Variants in SVIL observed in about 807,000 individuals in gnomAD.
SVIL encodes the protein archvillin.
SVIL carries 101 observed loss-of-function variants against 240.4 expected under a neutral mutation model. That is an observed-to-expected ratio of 0.42 (90% confidence interval 0.36 to 0.50). SVIL has a LOEUF of 0.50. Ranked by LOEUF, SVIL falls within the 20% of genes least tolerant of loss-of-function variation. The probability of loss-of-function intolerance (pLI) is 0.01; values close to 1 mark genes in which losing one functional copy is unlikely to be tolerated. For missense variants in SVIL, 2,512 were observed against 2,818.7 expected, an observed-to-expected ratio of 0.89 and a Z score of 2.46; for synonymous variants, 999 against 1,100.0, an observed-to-expected ratio of 0.91 and a Z score of 1.82.
intron 2 of SVIL, among the ~76,000 whole-genome samples, chr10:29,684,329 T>G (rs898199291): frequency 1.3e-5 from 2 of 152,172 alleles, no homozygotes; most frequent in South Asian, 2.1e-4. Context: ...CCTGAGAACA[T>G]GTACCCAAGG....
At position 29,458,289 on chromosome 10, in the gene SVIL, G is replaced by A; in HGVS notation, c.6603C>T (p.Ala2201=). The A allele has an allele frequency of 6.2e-7, 1 of 1,614,176 alleles. No homozygotes were observed. Among genetic ancestry groups the A allele is most frequent in the Non-Finnish European group, 8.5e-7 (1 of 1,180,004 alleles). ...MTRDEYNALP[A]WKQVNLKKAK... The stretch of plus-strand genomic sequence containing the variant: ...CTTTCTTCAGGTTCACCTGCTTCCA[G>A]GCGGGCAGGGCGTTGTATTCATCCC... The change falls in exon 38 of 38, where the codon GCC becomes GCT. Residue 2201 remains alanine (A), a synonymous_variant. Transcript: ENST00000355867.
chr10:29,463,304 C>T (rs549619711), intron 35 of SVIL, among the ~76,000 whole-genome samples, 188 bp downstream of exon 35: 12 of 152,256 alleles, frequency 7.9e-5, no homozygotes, highest in South Asian at 6.2e-4. Context: ...GCTGAGAATG[C>T]GCTAATCTAA....
chr10:29,670,372 T>C (rs1959670040), intron 2 of SVIL, among the ~76,000 whole-genome samples: 1 of 152,228 alleles, frequency 6.6e-6, no homozygotes, highest in Admixed American at 6.5e-5. Flanking sequence ...TTCAAAGCTT[T>C]ATAAAATAGA....
chr10:29,616,636 G>A lies in SVIL; in HGVS notation c.-201+17784C>T, dbSNP rs181777523. ...GTTGAAGGCAACGGAGGATCTCTGCGCCCACTTTTTCTGCCTAAAAGCCAG... is the reference window on the plus strand; with the variant it reads ...GTTGAAGGCAACGGAGGATCTCTGCACCCACTTTTTCTGCCTAAAAGCCAG... On this transcript the variant is annotated intron_variant, in intron 1 of 37. Coordinates refer to ENST00000355867, the MANE Select transcript of SVIL (RefSeq NM_021738.3). Among the ~76,000 whole-genome samples the A allele has an allele frequency of 7.9e-4, 120 of 152,272 alleles. 1 individual carries two copies. Among genetic ancestry groups the A allele is most frequent in the South Asian group, 5.8e-3 (28 of 4,830 alleles).
intron 13 of SVIL, among the ~76,000 whole-genome samples, chr10:29,526,693 A>G (rs1950943567): frequency 6.6e-6 from 1 of 152,226 alleles, no homozygotes; most frequent in Non-Finnish European, 1.5e-5. Flanking sequence ...TTATTATGAA[A>G]AACAAACAAA....
At chr10:29,549,152 A>G (rs1952974320) in intron 6 of SVIL, among the ~76,000 whole-genome samples, 1 of 132,338 alleles carries the variant, frequency 7.6e-6, no homozygotes, top group South Asian at 2.4e-4. Flanking sequence ...TCTACAATGA[A>G]CTCAAACAAA....
At chr10:29,671,040 G>A (rs1959732654) in intron 2 of SVIL, 1 of 152,050 alleles carries the variant, frequency 6.6e-6, no homozygotes, top group Admixed American at 6.6e-5. Flanking sequence ...ATCCTCCTTG[G>A]AACACCAGGC....
chr10:29,554,731 G>A (rs1452929216), intron 5 of SVIL, 52 bp downstream of exon 5: 21 of 1,471,530 alleles, frequency 1.4e-5, no homozygotes, highest in Non-Finnish European at 1.7e-5. Flanking sequence ...AGGGCAACTC[G>A]TAACCAGCCA....
In SVIL at chr10:29,499,231, C is replaced by G. The variant is rs749110735; in HGVS notation, c.3549G>C (p.Thr1183=). ...RVTESRESQM[T]IEERKQLITV... is the part of the protein sequence containing the mutation. ...TGATGAGCTGCTTCCTCTCCTCAAT[C>G]GTCATTTGGCTCTCTCGACTTTCTG... Residue 1183 remains threonine, a synonymous_variant, in exon 18 of 38, where the codon ACG becomes ACC. Transcript: ENST00000355867. 90 of 1,614,110 alleles carry G rather than the reference C, an allele frequency of 5.6e-5. 1 individual carries two copies. In the South Asian group the frequency reaches 7.9e-4, roughly 14 times the overall value.
At chr10:29,496,498 A>G (rs1373468192) in intron 18 of SVIL, 9 of 434,946 alleles carry the variant, frequency 2.1e-5, no homozygotes, top group Non-Finnish European at 4.1e-5. Context: ...GCTGGTTTCC[A>G]AAGCAACCGG....
chr10:29,527,732 T>C (rs1358546135), intron 12 of SVIL, among the ~76,000 whole-genome samples: 1 of 144,122 alleles, frequency 6.9e-6, no homozygotes, highest in Non-Finnish European at 1.5e-5. Flanking sequence ...GCCTTTTTTT[T>C]TTTTTTTTTT....
intron 2 of SVIL, among the ~76,000 whole-genome samples, chr10:29,667,384 T>A (rs1196052361): frequency 6.6e-6 from 1 of 152,132 alleles, no homozygotes; most frequent in Non-Finnish European, 1.5e-5. Context: ...TGTGACTCCA[T>A]TTGCATAACA....
In SVIL at chr10:29,555,114, A is replaced by C. The variant is rs1953783473; in HGVS notation, c.-50-6T>G. On this transcript the variant is annotated splice_polypyrimidine_tract_variant and splice_region_variant and intron_variant, in intron 3 of 37. Coordinates refer to ENST00000355867, the MANE Select transcript of SVIL (RefSeq NM_021738.3). ...GATTTGTCTTAATTCTGCAACTGGA[A>C]GAAAACCAAAAAAGAACAAAATATA... 6.2e-7 allele frequency: 1 copy of C among 1,603,258 alleles called. No individual in the cohort carries two copies. Among genetic ancestry groups the C allele is most frequent in the African/African-American group, 1.4e-5 (1 of 74,054 alleles).
In SVIL at chr10:29,490,222, A is replaced by T. The variant is rs528376162; in HGVS notation, c.4192+625T>A. On this transcript the variant is annotated intron_variant, in intron 22 of 37. Coordinates refer to ENST00000355867, the MANE Select transcript of SVIL (RefSeq NM_021738.3). ...TCCTACCAAGAACGATCTGAAAAGC[A>T]CTGGCGTTTGTGTTAATTAATAATA... Among the ~76,000 whole-genome samples the T allele has an allele frequency of 2.6e-5, 4 of 152,310 alleles. No individual in the cohort carries two copies. In the South Asian group the frequency reaches 8.3e-4, roughly 32 times the overall value.
chr10:29,585,704 G>A (rs4572039), intron 1 of SVIL, among the ~76,000 whole-genome samples: 41,053 of 152,028 alleles, frequency 0.27, 5,616 homozygotes, highest in East Asian at 0.3. Flanking sequence ...CAGTAAGAGC[G>A]TCCCTGTTCT....
chr10:29,667,100 T>C lies in SVIL; in HGVS notation c.-300-9032A>G, dbSNP rs539237345. Among the ~76,000 whole-genome samples the C allele has an allele frequency of 5.3e-5, 8 of 152,108 alleles. No homozygotes were observed. In the South Asian group the frequency reaches 1.7e-3, roughly 32 times the overall value. On this transcript the variant is annotated intron_variant, in intron 2 of 35. Transcript: ENST00000375400. ...GGTGTTTCTTCTTTTTTTCATCAAGTTAAACTTACCTTATGAACCAGCAAC... is the reference window on the plus strand; with the variant it reads ...GGTGTTTCTTCTTTTTTTCATCAAGCTAAACTTACCTTATGAACCAGCAAC...
At chr10:29,618,685 C>A (rs922925168) in intron 1 of SVIL, among the ~76,000 whole-genome samples, 1 of 152,136 alleles carries the variant, frequency 6.6e-6, no homozygotes, top group African/African-American at 2.4e-5. Context: ...CTGGACTACT[C>A]CTTTCCTTCC....
chr10:29,647,325 C>CTTTTTATTT (rs1169388762), intron 3 of SVIL: 5 of 151,966 alleles, frequency 3.3e-5, no homozygotes, highest in Admixed American at 3.3e-4. Flanking sequence ...TTCTTGCTTT[C>CTTTTTATTT]TTTTTCTTTT....
At chr10:29,682,158 C>T (rs535900091) in intron 2 of SVIL, among the ~76,000 whole-genome samples, 19 of 152,284 alleles carry the variant, frequency 1.2e-4, no homozygotes, top group South Asian at 4.1e-4. Flanking sequence ...GAATCTTCTA[C>T]GCCTTAAGCA....
Sources: gnomAD v4.1 joint callset for allele counts (sites outside exome capture counted in the v4.1 genomes callset) on GRCh38, gnomAD v4.1.1 for gene constraint, MANE v1.5 for transcripts, NCBI Gene and HGNC (gene_info 2026-07-23, HGNC 2026-07-21) for gene names.